Variants in OSBPL9 observed in about 807,000 individuals in gnomAD.
OSBPL9 encodes the protein oxysterol-binding protein-related protein 9.
OSBPL9 carries 40 observed loss-of-function variants against 106.6 expected under a neutral mutation model. That is an observed-to-expected ratio of 0.38 (90% CI 0.29 to 0.49). OSBPL9 has a LOEUF of 0.49. Ranked by LOEUF, OSBPL9 falls within the 20% of genes least tolerant of loss-of-function variation. The pLI is 0.97. For missense variants in OSBPL9, 609 were observed against 887.2 expected, an observed-to-expected ratio of 0.69 and a Z score of 3.98; for synonymous variants, 269 against 295.4, an observed-to-expected ratio of 0.91 and a Z score of 0.92.
chr1:51,769,120 C>T (rs1446483323), intron 12 of OSBPL9, among the ~76,000 whole-genome samples: 1 of 152,200 alleles, frequency 6.6e-6, no homozygotes, highest in Admixed American at 6.5e-5. Context: ...TTGGTCCTAT[C>T]CACATATTCT....
the OSBPL9 span, among the ~76,000 whole-genome samples, chr1:51,550,942 G>C: frequency 6.6e-6 from 1 of 152,164 alleles, no homozygotes; most frequent in Non-Finnish European, 1.5e-5. Context: ...AGTAGTGATA[G>C]CAACCATTTT....
chr1:51,585,266 T>A (rs1220885771), intron 1 of OSBPL9, among the ~76,000 whole-genome samples: 1 of 151,310 alleles, frequency 6.6e-6, no homozygotes, highest in Admixed American at 6.6e-5. Context: ...GAAAAAAAAA[T>A]TCAGACCTGA....
rs143314442 is a variant in OSBPL9, at chr1:51,678,448, G to C, written c.241+8936G>C. ...GGCCAAGGCGGGCGGATCATCTGAG[G>C]TCAGGAGTTTGAGACCAGCCTGGCC... On this transcript the variant is annotated intron_variant, in intron 3 of 23. Transcript: ENST00000428468. Among the ~76,000 whole-genome samples, 356 of 152,212 alleles carry C rather than the reference G, an allele frequency of 2.3e-3. 1 individual carries two copies. Among genetic ancestry groups the C allele is most frequent in the African/African-American group, 8.2e-3 (341 of 41,538 alleles).
At position 51,782,604 on chromosome 1, in the gene OSBPL9, G is replaced by A. The variant is rs1173166012; in HGVS notation, c.1474G>A (p.Val492Ile). The A allele has an allele frequency of 1.2e-6, 2 of 1,614,070 alleles. No homozygotes were observed. The highest frequency in any genetic ancestry group is 1.1e-5 in the South Asian group (1 of 91,070). The change falls in exon 17 of 24, where the codon GTA (valine) becomes ATA (isoleucine). Residue 492 changes from valine (V) to isoleucine (I), a missense_variant. Val to Ile is a conservative substitution (Grantham distance 29). Transcript: ENST00000428468. ...GPVPWVSKNS[V>I]TFVAEQVSHH... ...AGTTCCCTGGGTTTCCAAAAACAGT[G>A]TAACATTTGTGGCTGAGCAGGTTTC... is the stretch of plus-strand genomic sequence containing the variant.
the OSBPL9 span, among the ~76,000 whole-genome samples, chr1:51,566,974 A>G: frequency 1.3e-5 from 2 of 152,116 alleles, no homozygotes; most frequent in Non-Finnish European, 2.9e-5. Flanking sequence ...TCATTCTCCA[A>G]TGACTCCTGT....
At chr1:51,747,309 A>T (rs1036279720) in intron 6 of OSBPL9, among the ~76,000 whole-genome samples, 4 of 152,168 alleles carry the variant, frequency 2.6e-5, no homozygotes, top group African/African-American at 9.7e-5. Context: ...TATTCCTAGG[A>T]GTAAGTTATT....
chr1:51,689,740 T>C (rs1391534583), intron 3 of OSBPL9, among the ~76,000 whole-genome samples: 3 of 152,212 alleles, frequency 2.0e-5, no homozygotes, highest in Non-Finnish European at 2.9e-5. Flanking sequence ...TAATCTGATT[T>C]TCTTCCTGTT....
chr1:51,585,834 A>G (rs765489736), intron 1 of OSBPL9, among the ~76,000 whole-genome samples: 61 of 151,904 alleles, frequency 4.0e-4, no homozygotes, highest in Admixed American at 2.5e-3. Context: ...AGAACTGGAA[A>G]GAGCAAACAG....
At chr1:51,677,199 T>C (rs1452968042) in intron 3 of OSBPL9, among the ~76,000 whole-genome samples, 1 of 152,230 alleles carries the variant, frequency 6.6e-6, no homozygotes, top group Non-Finnish European at 1.5e-5. Context: ...AATCAGAAAC[T>C]TTGGGAATGG....
At chr1:51,667,559 C>A (rs192916068) in intron 2 of OSBPL9, among the ~76,000 whole-genome samples, 11 of 152,326 alleles carry the variant, frequency 7.2e-5, no homozygotes, top group Non-Finnish European at 1.3e-4. Flanking sequence ...ATTATAGTCA[C>A]CTCTTTGCAT....
intron 2 of OSBPL9, among the ~76,000 whole-genome samples, chr1:51,669,090 G>A (rs1250209023): frequency 6.6e-6 from 1 of 152,126 alleles, no homozygotes; most frequent in African/African-American, 2.4e-5. Context: ...GTAGGTTTTT[G>A]ACTCCCATTT....
chr1:51,572,947 C>T (rs1375714705), upstream of OSBPL9, among the ~76,000 whole-genome samples: 4 of 152,110 alleles, frequency 2.6e-5, no homozygotes, highest in East Asian at 7.7e-4. Flanking sequence ...CAGTGGCACT[C>T]ACACCTGTAA....
chr1:51,567,879 C>T, the OSBPL9 span: 2 of 152,164 alleles, frequency 1.3e-5, no homozygotes, highest in Admixed American at 1.3e-4. Context: ...TTTCACATAG[C>T]TTTAAGGCAG....
At chr1:51,526,733 C>T in the OSBPL9 span, among the ~76,000 whole-genome samples, 1 of 147,794 alleles carries the variant, frequency 6.8e-6, no homozygotes, top group Non-Finnish European at 1.5e-5. Flanking sequence ...CTATTTTACC[C>T]TTTTTTTTTT....
At chr1:51,711,639 G>T (rs750250432) in intron 3 of OSBPL9, among the ~76,000 whole-genome samples, 1,431 of 137,462 alleles carry the variant, frequency 0.01, 8 homozygotes, top group Non-Finnish European at 0.016. Context: ...GGGCGGAGGG[G>T]CTCCTCACTT....
At chr1:51,519,298 C>G in the OSBPL9 span, 1 of 193,344 alleles carries the variant, frequency 5.2e-6, no homozygotes, top group Non-Finnish European at 8.1e-6. Flanking sequence ...GGGGAGGAGG[C>G]GGAGGGAGCG....
At chr1:51,556,600 C>T in the OSBPL9 span, among the ~76,000 whole-genome samples, 2 of 152,036 alleles carry the variant, frequency 1.3e-5, no homozygotes, top group East Asian at 1.9e-4. Flanking sequence ...GCCTGGCCAA[C>T]ATGGTGAAAC....
chr1:51,564,401 G>A, the OSBPL9 span, among the ~76,000 whole-genome samples: 1 of 152,080 alleles, frequency 6.6e-6, no homozygotes, highest in African/African-American at 2.4e-5. Flanking sequence ...CCCTCTTCTT[G>A]AAGGCCTCTT....
At chr1:51,635,097 T>C (rs1645346795) in intron 1 of OSBPL9, among the ~76,000 whole-genome samples, 2 of 152,152 alleles carry the variant, frequency 1.3e-5, no homozygotes. Context: ...GCCGTCTTGT[T>C]ATGCAGGAGA....
Sources: allele counts gnomAD v4.1 joint callset (sites outside exome capture counted in the v4.1 genomes callset), GRCh38; gene constraint gnomAD v4.1.1; transcripts MANE v1.5; gene names NCBI Gene and HGNC (gene_info 2026-07-23, HGNC 2026-07-21).